TP53BP2: variants seen among roughly 807,000 people sequenced by gnomAD.
TP53BP2 encodes tumor protein p53 binding protein 2, also known as apoptosis-stimulating of p53 protein 2.
In TP53BP2, 62 loss-of-function variants were observed where a neutral mutation model predicts 126.2. The observed-to-expected ratio is 0.49, with a 90% confidence interval of 0.40 to 0.61. The LOEUF is 0.61. Among genes scored for constraint, TP53BP2 ranks in the 20% least tolerant of loss-of-function variants. The pLI is 0.00. For synonymous variants in TP53BP2, 485 were observed against 502.9 expected (o/e 0.96, Z 0.48); for missense variants, 1,215 against 1,402.8 (o/e 0.87, Z 2.14).
rs1445570264 is a variant in TP53BP2, at chr1:223,830,730, TAA to T, written c.28-9365_28-9364del. On this transcript the variant is annotated intron_variant, in intron 1 of 17. Coordinates refer to ENST00000343537, the MANE Select transcript of TP53BP2 (RefSeq NM_001031685.3). Reference sequence around the variant, plus strand: ...GTCCAGCCACCAACTCCTGTAAGTATAAATAGAGTGTTAGGAAAATGTTAAGA... The same window carrying T: ...GTCCAGCCACCAACTCCTGTAAGTATATAGAGTGTTAGGAAAATGTTAAGA... Among the ~76,000 whole-genome samples, 4 of 152,258 alleles carry T rather than the reference TAA, an allele frequency of 2.6e-5. No individual in the cohort carries two copies. The East Asian group carries it at 7.7e-4, about 29-fold the overall frequency.
chr1:223,800,607 A>G, intron 10 of TP53BP2, 93 bp downstream of exon 10: 1 of 944,502 alleles, frequency 1.1e-6, no homozygotes, highest in Non-Finnish European at 1.6e-6. Context: ...AAAAAGGAAG[A>G]AAGAAAAGAG....
chr1:223,829,716 G>C (rs1447600481), intron 1 of TP53BP2, among the ~76,000 whole-genome samples: 1 of 148,906 alleles, frequency 6.7e-6, no homozygotes, highest in Non-Finnish European at 1.5e-5. Flanking sequence ...ATCATAAAGA[G>C]TGCAGCAATA....
At chr1:223,805,886 G>C (rs535218652) in intron 5 of TP53BP2, among the ~76,000 whole-genome samples, 26 of 152,286 alleles carry the variant, frequency 1.7e-4, no homozygotes, top group Admixed American at 2.0e-4. Context: ...CTGAGTAGTT[G>C]CAACAGAGGC....
At position 223,796,536 on chromosome 1, in the gene TP53BP2, T is replaced by G; in HGVS notation, c.2003A>C (p.Asn668Thr). Residue 668 changes from asparagine (N) to threonine (T), a missense_variant, in exon 13 of 18, where the codon AAC (asparagine) becomes ACC (threonine). By Grantham distance (65) the Asn-to-Thr change is moderately conservative. Transcript: ENST00000343537. The surrounding 1 kb of genome is among the most constrained non-coding windows in gnomAD (Gnocchi z 4.2). ...AAQNQQQHPE[N>T]IYSNSQGKPG... ...CTTGCCCTGGCTATTGGAATAAATG[T>G]TCTCTGGGTGCTGCTGTTGATTCTG... The G allele has an allele frequency of 1.9e-6, 3 of 1,613,898 alleles. No homozygotes were observed. Among genetic ancestry groups the G allele is most frequent in the Non-Finnish European group, 2.5e-6 (3 of 1,179,926 alleles).
In TP53BP2 at chr1:223,780,612, C is replaced by T; in HGVS notation, c.*241G>A. 2.0e-6 allele frequency: 1 copy of T among 512,120 alleles called. No homozygotes were observed. The highest frequency in any genetic ancestry group is 3.5e-6 in the Non-Finnish European group (1 of 287,002). The allele number at this position is 512,120 out of a possible 1,614,324, so 31.7% of individuals were successfully genotyped here. On this transcript the variant is annotated 3_prime_UTR_variant, in exon 18 of 18. Coordinates refer to ENST00000343537, the MANE Select transcript of TP53BP2 (RefSeq NM_001031685.3). ...TCGCTGTATACTTATCTGAGTGCTACACGGGACACCTTTGCCCCAACACAG... is the reference window on the plus strand; with the variant it reads ...TCGCTGTATACTTATCTGAGTGCTATACGGGACACCTTTGCCCCAACACAG...
chr1:223,835,444 T>C (rs770636431), intron 1 of TP53BP2, among the ~76,000 whole-genome samples: 3 of 152,228 alleles, frequency 2.0e-5, no homozygotes, highest in East Asian at 3.8e-4. Context: ...ATAAGTTTAG[T>C]GTTGGTGTGC....
intron 2 of TP53BP2, among the ~76,000 whole-genome samples, chr1:223,819,177 T>A (rs2102871148): frequency 1.4e-5 from 2 of 139,986 alleles, no homozygotes; most frequent in East Asian, 4.2e-4. Context: ...AGAGCGAAAC[T>A]CTGTCTCAAA....
At chr1:223,841,285 A>G (rs1664096448) in intron 1 of TP53BP2, among the ~76,000 whole-genome samples, 1 of 139,016 alleles carries the variant, frequency 7.2e-6, no homozygotes, top group Admixed American at 7.3e-5. Flanking sequence ...AATATTTTGC[A>G]CATTTCTAAA....
chr1:223,839,596 T>C (rs1294831664), intron 1 of TP53BP2, among the ~76,000 whole-genome samples: 2 of 152,230 alleles, frequency 1.3e-5, no homozygotes, highest in African/African-American at 4.8e-5. Context: ...ATGTTTGAAA[T>C]TTAAATAAAG....
chr1:223,781,231 G>A (rs1661766958), intron 17 of TP53BP2, among the ~76,000 whole-genome samples: 1 of 152,200 alleles, frequency 6.6e-6, no homozygotes, highest in Non-Finnish European at 1.5e-5. Flanking sequence ...TAACAAGGAA[G>A]GCAAACTGCT....
rs746600824 is a variant in TP53BP2 at position 223,796,334 on chromosome 1, T to C, written c.2205A>G (p.Pro735=). ...TAGAACTACGTTTCTTTAGAGGCCT[T>C]GGTGCGTTAGACAGTTTCTTTCGTA... The part of the protein sequence containing the change: ...EALRKKLSNA[P]RPLKKRSSIT... Residue 735 remains proline (P), a synonymous_variant, in exon 13 of 18, where the codon CCA becomes CCG. Coordinates refer to ENST00000343537, the MANE Select transcript of TP53BP2 (RefSeq NM_001031685.3). The surrounding 1 kb of genome is among the most constrained non-coding windows in gnomAD (Gnocchi z 4.2). 1 of 1,614,214 alleles carries C rather than the reference T, an allele frequency of 6.2e-7. No individual in the cohort carries two copies. The highest frequency in any genetic ancestry group is 8.5e-7 in the Non-Finnish European group (1 of 1,180,038).
chr1:223,808,976 C>T (rs892670378), intron 4 of TP53BP2, among the ~76,000 whole-genome samples: 6 of 152,022 alleles, frequency 3.9e-5, no homozygotes, highest in Admixed American at 6.6e-5. Flanking sequence ...CAAACTTTGG[C>T]AAGGATGTGG....
rs1165383377 is a variant in TP53BP2 at position 223,845,537 on chromosome 1, C to G, written c.27+117G>C. ...CGAAGCTCGGAAAGCCCCGGCCCCT[C>G]CGCGCGGGCTGCGGCCCCCAGGCTC... is the stretch of plus-strand genomic sequence containing the variant. On this transcript the variant is annotated intron_variant, in intron 1 of 17. Coordinates refer to ENST00000343537, the MANE Select transcript of TP53BP2 (RefSeq NM_001031685.3). 3.4e-6 allele frequency: 4 copies of G among 1,179,218 alleles called. No individual in the cohort carries two copies. In the Admixed American group the frequency reaches 1.2e-4, roughly 37 times the overall value. The allele number at this position is 1,179,218 out of a possible 1,614,324, so 73.0% of individuals were successfully genotyped here.
chr1:223,845,599 G>T (rs1483026280), intron 1 of TP53BP2, 55 bp downstream of exon 1: 9 of 1,511,648 alleles, frequency 6.0e-6, no homozygotes, highest in Non-Finnish European at 7.9e-6. Context: ...ACCAGCCCCC[G>T]GCACGCGACC....
chr1:223,783,431 AAACTTTT>A (rs1661838653), intron 17 of TP53BP2, among the ~76,000 whole-genome samples: 1 of 152,150 alleles, frequency 6.6e-6, no homozygotes, highest in East Asian at 1.9e-4. Context: ...CAAGCACTTT[AAACTTTT>A]ATCTCAATCT....
Position 223,799,944 on chromosome 1 carries a change from A to G in TP53BP2, c.1440T>C (p.Thr480=). The part of the protein sequence containing the change: ...DQSNAPPSFG[T]LRKNQSSEDI... ...CTTCACTGCTCTGGTTCTTCCTCAG[A>G]GTACCAAAGGAAGGTGGGGCATTGG... Residue 480 remains threonine, a synonymous_variant, in exon 11 of 18, where the codon ACT becomes ACC. Coordinates refer to ENST00000343537, the MANE Select transcript of TP53BP2 (RefSeq NM_001031685.3). 6.2e-7 allele frequency: 1 copy of G among 1,611,816 alleles called. No individual in the cohort carries two copies. Among genetic ancestry groups the G allele is most frequent in the Non-Finnish European group, 8.5e-7 (1 of 1,179,358 alleles).
At chr1:223,821,524 G>C (rs889545311) in intron 1 of TP53BP2, 157 bp from the exon 2 acceptor site, 1 of 975,548 alleles carries the variant, frequency 1.0e-6, no homozygotes, top group Admixed American at 1.7e-5. Flanking sequence ...TGTGGACTGG[G>C]GGTTGAGGGA....
At position 223,803,317 on chromosome 1, in the gene TP53BP2, T is replaced by C. The variant is rs750448311; in HGVS notation, c.785A>G (p.Asn262Ser). Residue 262 changes from asparagine to serine, a missense_variant, in exon 7 of 18, where the codon AAT becomes AGT. Around this residue, in one of 4 missense-constraint regions of TP53BP2, gnomAD observed 814 missense variants for 853.0 expected, o/e 0.95. Transcript: ENST00000343537. ...KNGRIDSHHD[N>S]QSAVAELDRL... is the part of the protein sequence containing the mutation. Reference sequence around the variant, plus strand: ...ATCAAGCTCAGCCACTGCAGACTGATTGTCATGGTGGCTGTCGATCCTGCC... The same window carrying C: ...ATCAAGCTCAGCCACTGCAGACTGACTGTCATGGTGGCTGTCGATCCTGCC... The C allele has an allele frequency of 3.1e-5, 50 of 1,613,434 alleles. No homozygotes were observed. Among genetic ancestry groups the C allele is most frequent in the Non-Finnish European group, 4.0e-5 (47 of 1,179,830 alleles).
chr1:223,841,138 G>A (rs568915040), intron 1 of TP53BP2, among the ~76,000 whole-genome samples: 24 of 152,310 alleles, frequency 1.6e-4, no homozygotes, highest in African/African-American at 5.1e-4. Context: ...AGCTACTCGG[G>A]AGGCTGAGGC....
Sources: allele counts gnomAD v4.1 joint callset (sites outside exome capture counted in the v4.1 genomes callset), GRCh38; gene constraint gnomAD v4.1.1; regional missense constraint gnomAD v4.1.1; non-coding constraint Gnocchi (gnomAD v3.1); transcripts MANE v1.5; gene names NCBI Gene and HGNC (gene_info 2026-07-23, HGNC 2026-07-21).